Variants in CD163L1 observed in about 807,000 individuals in gnomAD.
CD163L1 encodes CD163 molecule like 1.
Under a neutral mutation model 165.4 loss-of-function variants are expected in CD163L1, and 124 were observed. The observed-to-expected ratio is 0.75, with a 90% CI of 0.65 to 0.87. The LOEUF (loss-of-function observed/expected upper bound fraction) is 0.87, where lower values mean the gene tolerates loss of function less well. CD163L1 is among the 40% of genes least tolerant of loss of function. The probability of loss-of-function intolerance (pLI) is 0.00; values close to 1 mark genes in which losing one functional copy is unlikely to be tolerated. For synonymous variants in CD163L1, 585 were observed against 662.2 expected (o/e 0.88, Z 1.79); for missense variants, 1,525 against 1,799.9 (o/e 0.85, Z 2.76).
At chr12:7,416,798 C>T (rs778502520) in intron 4 of CD163L1, among the ~76,000 whole-genome samples, 1 of 152,112 alleles carries the variant, frequency 6.6e-6, no homozygotes, top group Non-Finnish European at 1.5e-5. Flanking sequence ...GGTATGAGTA[C>T]CATGCTGTTT....
chr12:7,399,065 T>C (rs1049406615), intron 6 of CD163L1, among the ~76,000 whole-genome samples: 11 of 152,302 alleles, frequency 7.2e-5, no homozygotes, highest in Admixed American at 4.6e-4. Flanking sequence ...AATAAATTCC[T>C]TTTTAATTCT....
chr12:7,323,203 T>C, the CD163L1 span: 11 of 1,557,608 alleles, frequency 7.1e-6, no homozygotes, highest in Middle Eastern at 5.0e-4. Flanking sequence ...TAAACTTTTG[T>C]ATACTTATAC....
intron 4 of CD163L1, among the ~76,000 whole-genome samples, chr12:7,412,730 C>G (rs1160495620): frequency 6.6e-6 from 1 of 152,050 alleles, no homozygotes. Context: ...CCTCATATCT[C>G]CCACAGAAAG....
chr12:7,395,627 C>T (rs761058630), intron 8 of CD163L1, among the ~76,000 whole-genome samples: 1 of 152,000 alleles, frequency 6.6e-6, no homozygotes, highest in African/African-American at 2.4e-5. Flanking sequence ...TAAACCCAGA[C>T]CTCTGGATGA....
chr12:7,434,833 T>C (rs1948694157), intron 2 of CD163L1, among the ~76,000 whole-genome samples: 1 of 152,110 alleles, frequency 6.6e-6, no homozygotes, highest in African/African-American at 2.4e-5. Flanking sequence ...AAGATAACAA[T>C]ATTCTTTCTG....
At chr12:7,355,154 ACAAGTT>A (rs1387444897) in intron 19 of CD163L1, 24 bp from the exon 20 acceptor site, 1 of 152,138 alleles carries the variant, frequency 6.6e-6, no homozygotes, top group Non-Finnish European at 1.5e-5. Flanking sequence ...ACAAGAGGCA[ACAAGTT>A]ACTATTCTTC....
At chr12:7,342,698 A>G (rs1004066911), downstream of CD163L1, among the ~76,000 whole-genome samples, 1 of 152,154 alleles carries the variant, frequency 6.6e-6, no homozygotes, top group African/African-American at 2.4e-5. Flanking sequence ...CAGTGGCACG[A>G]TCACGGCTCA....
chr12:7,421,648 C>A, intron 4 of CD163L1, among the ~76,000 whole-genome samples: 1 of 129,046 alleles, frequency 7.7e-6, no homozygotes, highest in East Asian at 2.2e-4. Context: ...TACACATATA[C>A]ATATATGTAC....
intron 18 of CD163L1, among the ~76,000 whole-genome samples, chr12:7,360,658 G>C (rs1297369150): frequency 6.6e-6 from 1 of 152,012 alleles, no homozygotes; most frequent in African/African-American, 2.4e-5. Flanking sequence ...CCATGGGATT[G>C]CTTCTTTCCT....
intron 2 of CD163L1, among the ~76,000 whole-genome samples, chr12:7,434,201 T>C (rs937970929): frequency 1.3e-5 from 2 of 152,232 alleles, no homozygotes; most frequent in Non-Finnish European, 2.9e-5. Context: ...TCAGATGTTT[T>C]AAATACATTC....
chr12:7,384,522 T>TA (rs1216369397), intron 8 of CD163L1, among the ~76,000 whole-genome samples: 11 of 151,844 alleles, frequency 7.2e-5, no homozygotes, highest in Non-Finnish European at 1.0e-4. Flanking sequence ...AAGCCCAAGA[T>TA]AAAAAAATAA....
chr12:7,322,939 T>G, the CD163L1 span, among the ~76,000 whole-genome samples: 2 of 152,080 alleles, frequency 1.3e-5, no homozygotes, highest in African/African-American at 4.8e-5. Context: ...AACATCAACA[T>G]CATCTAGGTA....
At position 7,376,330 on chromosome 12, in the gene CD163L1, A is replaced by G. The variant is rs191602088; in HGVS notation, c.2372-316T>C. ...AAACAACACGTGAAGATTTGTAGTC[A>G]TCTTAAGAAGATGGTGTAATATAAG... is the stretch of plus-strand genomic sequence containing the variant. On this transcript the variant is annotated intron_variant, in intron 9 of 19. Transcript: ENST00000313599. Among the ~76,000 whole-genome samples, 274 of 152,362 alleles carry G rather than the reference A, an allele frequency of 1.8e-3. 2 individuals carry two copies. The highest frequency in any genetic ancestry group is 6.3e-3 in the African/African-American group (261 of 41,590).
At position 7,406,521 on chromosome 12, in the gene CD163L1, G is replaced by T; in HGVS notation, c.1087+11C>A. Reference sequence around the variant, plus strand: ...TTTTATCTGATGTAATCATGTGGATGTAAGTCTTACCTGAGCAGATCACAG... The same window carrying T: ...TTTTATCTGATGTAATCATGTGGATTTAAGTCTTACCTGAGCAGATCACAG... On this transcript the variant is annotated intron_variant, in intron 5 of 19. Transcript: ENST00000313599. The T allele has an allele frequency of 6.2e-7, 1 of 1,608,166 alleles. No homozygotes were observed. Among genetic ancestry groups the T allele is most frequent in the Non-Finnish European group, 8.5e-7 (1 of 1,178,526 alleles).
chr12:7,395,792 A>AT (rs1335203954), intron 8 of CD163L1, among the ~76,000 whole-genome samples: 1 of 152,006 alleles, frequency 6.6e-6, no homozygotes, highest in Admixed American at 6.5e-5. Flanking sequence ...AATTCTCATT[A>AT]TTTTTTCCTA....
intron 18 of CD163L1, among the ~76,000 whole-genome samples, chr12:7,364,458 G>A (rs934074275): frequency 2.6e-5 from 4 of 152,104 alleles, no homozygotes; most frequent in Admixed American, 6.5e-5. Context: ...GCAAGAGAAA[G>A]ACATATGGGG....
At chr12:7,320,929 C>T in the CD163L1 span, 39 of 844,918 alleles carry the variant, frequency 4.6e-5, no homozygotes, top group African/African-American at 1.5e-4. Flanking sequence ...CATTTTGAAC[C>T]GAATAATTCT....
intron 18 of CD163L1, 68 bp downstream of exon 18, chr12:7,367,167 TA>T: frequency 1.1e-6 from 1 of 914,380 alleles, no homozygotes. Flanking sequence ...TGGGAGTTCC[TA>T]AATATCAGCG....
the CD163L1 span, chr12:7,322,597 T>A: frequency 3.5e-5 from 54 of 1,546,324 alleles, 1 homozygote; most frequent in South Asian, 6.7e-4. Flanking sequence ...TGCCCCAGGT[T>A]TTTCAACTGA....
Sources: allele counts gnomAD v4.1 joint callset (sites outside exome capture counted in the v4.1 genomes callset), GRCh38; gene constraint gnomAD v4.1.1; transcripts MANE v1.5; gene names NCBI Gene and HGNC (gene_info 2026-07-23, HGNC 2026-07-21).